The following CES1 variants were observed in gnomAD, a reference collection of about 807,000 sequenced individuals.
The protein encoded by CES1 is liver carboxylesterase 1.
A neutral mutation model predicts 53.0 loss-of-function variants in CES1; 50 were observed. The ratio of observed to expected loss-of-function variants is 0.94; its 90% confidence interval spans 0.75 to 1.19. CES1 has a LOEUF of 1.19. CES1 is among the 50% of genes most tolerant of loss of function. The pLI, the probability that CES1 is intolerant of heterozygous loss-of-function variation, is 0.00. For missense variants in CES1, 534 were observed against 538.0 expected (o/e 0.99, Z 0.07); for synonymous variants, 202 against 210.1 (o/e 0.96, Z 0.33).
intron 3 of CES1, among the ~76,000 whole-genome samples, chr16:55,824,267 G>A (rs1399711813): frequency 6.6e-6 from 1 of 152,292 alleles, no homozygotes; most frequent in Non-Finnish European, 1.5e-5. Context: ...TTCAGTCAAT[G>A]GACTAACACT....
chr16:55,810,123 C>G (rs1170896052), intron 11 of CES1, among the ~76,000 whole-genome samples: 1 of 152,084 alleles, frequency 6.6e-6, no homozygotes, highest in African/African-American at 2.4e-5. Context: ...GAATAAATAC[C>G]CGGCTCCCTT....
At chr16:55,822,858 G>A (rs1466012352) in intron 4 of CES1, among the ~76,000 whole-genome samples, 2 of 152,110 alleles carry the variant, frequency 1.3e-5, no homozygotes, top group Non-Finnish European at 2.9e-5. Context: ...ACCGCAATGA[G>A]ACCAACTGAG....
intron 3 of CES1, among the ~76,000 whole-genome samples, chr16:55,824,729 G>A (rs2032349855): frequency 6.6e-6 from 1 of 152,256 alleles, no homozygotes; most frequent in Non-Finnish European, 1.5e-5. Flanking sequence ...TTTAGCCAGG[G>A]ACTGAGATCA....
rs1310042428 is a variant in CES1 at position 55,822,336 on chromosome 16, C to T, written c.540-815G>A. Among the ~76,000 whole-genome samples the T allele has an allele frequency of 2.6e-5, 4 of 152,236 alleles. No homozygotes were observed. In the East Asian group the frequency reaches 7.7e-4, roughly 29 times the overall value. ...CAAGGTGACAGACAGAGAGCTTTGG[C>T]TGGGCTAGGAGCCAGGGAAGAGGTG... On this transcript the variant is annotated intron_variant, in intron 4 of 13. Coordinates refer to ENST00000360526, the MANE Select transcript of CES1 (RefSeq NM_001025195.2).
At chr16:55,819,253 C>T (rs1213125480) in intron 7 of CES1, among the ~76,000 whole-genome samples, 11 of 152,234 alleles carry the variant, frequency 7.2e-5, no homozygotes, top group Admixed American at 4.6e-4. Flanking sequence ...GAATATGTAA[C>T]ATTTAATTTC....
intron 7 of CES1, 73 bp from the exon 8 acceptor site, chr16:55,817,035 C>T (rs1196312286): frequency 2.0e-5 from 30 of 1,508,782 alleles, no homozygotes; most frequent in Non-Finnish European, 2.5e-5. Flanking sequence ...AGTGGGGCAA[C>T]AGAGGTGTCA....
chr16:55,814,523 T>C (rs2142322181), intron 8 of CES1, among the ~76,000 whole-genome samples: 1 of 152,338 alleles, frequency 6.6e-6, no homozygotes, highest in African/African-American at 2.4e-5. Flanking sequence ...GGTGAGTTAT[T>C]GTGAGGATTA....
chr16:55,819,122 A>G (rs1460382091), intron 7 of CES1, among the ~76,000 whole-genome samples: 1 of 152,228 alleles, frequency 6.6e-6, no homozygotes, highest in African/African-American at 2.4e-5. Context: ...AGAAAACTGG[A>G]CCACCACTAG....
intron 2 of CES1, 144 bp downstream of exon 2, chr16:55,828,622 GC>G: frequency 1.1e-6 from 1 of 932,952 alleles, no homozygotes; most frequent in South Asian, 1.4e-5. Flanking sequence ...ACTCCAGAAT[GC>G]TGTGAGAGTT....
At chr16:55,810,691 A>G in intron 10 of CES1, 27 bp from the exon 11 acceptor site, 2 of 1,613,866 alleles carry the variant, frequency 1.2e-6, no homozygotes, top group Non-Finnish European at 1.7e-6. Flanking sequence ...AGTGACCACC[A>G]GCCCCGGGTG....
chr16:55,816,935 C>G lies in CES1; in HGVS notation c.934G>C (p.Asp312His), dbSNP rs1206605905. 6.2e-7 allele frequency: 1 copy of G among 1,614,112 alleles called. No homozygotes were observed. The highest frequency in any genetic ancestry group is 8.5e-7 in the Non-Finnish European group (1 of 1,179,968). Residue 312 changes from aspartate to histidine, a missense_variant, in exon 8 of 14, where the codon GAC (aspartate) becomes CAC (histidine). Physicochemically the swap from Asp to His is moderately conservative, Grantham distance 81. Around this residue, in one of 5 missense-constraint regions of CES1, gnomAD observed 269 missense variants for 206.6 expected, o/e 1.30. Transcript: ENST00000360526. Reference protein sequence around the residue: ...MKFLSLDLQGDPRESQPLLGT... With the variant: ...MKFLSLDLQGHPRESQPLLGT... ...CAAAAGGTCCTTACCTCTCTGGGGT[C>G]TCCCTGTAAGTCCAGAGATAAGAAT...
chr16:55,812,136 A>G (rs1162822331), intron 9 of CES1, among the ~76,000 whole-genome samples: 1 of 152,246 alleles, frequency 6.6e-6, no homozygotes, highest in African/African-American at 2.4e-5. Flanking sequence ...ATATTACTGA[A>G]TAAATCTGTC....
chr16:55,831,390 G>A (rs1305606318), intron 1 of CES1, among the ~76,000 whole-genome samples: 3 of 151,420 alleles, frequency 2.0e-5, no homozygotes, highest in Admixed American at 1.3e-4. Context: ...GTGGATGGCA[G>A]CCAGATTGCC....
At chr16:55,825,917 G>C (rs542096108) in intron 3 of CES1, among the ~76,000 whole-genome samples, 14 of 152,304 alleles carry the variant, frequency 9.2e-5, no homozygotes, top group African/African-American at 3.4e-4. Context: ...AGGGAACTTG[G>C]AACAATTAAG....
In CES1 at chr16:55,832,626, C is replaced by G. The variant is rs771730682; in HGVS notation, c.52+378G>C. ...AGCGCCCAGCGGGGACTCGAACCCA[C>G]GCACTCTGGCTCCAGAGTCGATGCT... is the stretch of plus-strand genomic sequence containing the variant. On this transcript the variant is annotated intron_variant, in intron 1 of 13. Transcript: ENST00000360526. Among the ~76,000 whole-genome samples the G allele has an allele frequency of 6.6e-5, 10 of 152,330 alleles. No individual in the cohort carries two copies. The East Asian group carries it at 1.2e-3, about 18-fold the overall frequency.
chr16:55,831,008 C>T (rs1273169145), intron 1 of CES1, among the ~76,000 whole-genome samples: 1 of 152,058 alleles, frequency 6.6e-6, no homozygotes, highest in South Asian at 2.1e-4. Context: ...GTGGGATATC[C>T]AGGCAAGATG....
intron 11 of CES1, among the ~76,000 whole-genome samples, chr16:55,809,558 C>T (rs75267588): frequency 0.014 from 2,164 of 152,314 alleles, 34 homozygotes; most frequent in Middle Eastern, 0.027. Flanking sequence ...TCCCTAACGT[C>T]ATGCCCCACC....
intron 8 of CES1, 122 bp from the exon 9 acceptor site, chr16:55,813,165 C>T: frequency 1.5e-6 from 2 of 1,371,874 alleles, no homozygotes; most frequent in South Asian, 2.4e-5. Context: ...CATGGCTGCA[C>T]ATGCTCAGGA....
intron 8 of CES1, among the ~76,000 whole-genome samples, chr16:55,814,102 G>T (rs2031827985): frequency 1.3e-5 from 2 of 152,210 alleles, no homozygotes; most frequent in Non-Finnish European, 2.9e-5. Flanking sequence ...TTAAACAAGA[G>T]CTGTTATTGA....
Sources: allele counts gnomAD v4.1 joint callset (sites outside exome capture counted in the v4.1 genomes callset), GRCh38; gene constraint gnomAD v4.1.1; regional missense constraint gnomAD v4.1.1; transcripts MANE v1.5; gene names NCBI Gene and HGNC (gene_info 2026-07-23, HGNC 2026-07-21).